SNAP91: variants seen among roughly 807,000 people sequenced by gnomAD.
The protein encoded by SNAP91 is clathrin coat assembly protein AP180.
Under a neutral mutation model 100.3 loss-of-function variants are expected in SNAP91, and 27 were observed. The ratio of observed to expected loss-of-function variants is 0.27; its 90% CI spans 0.20 to 0.37. SNAP91 has a LOEUF of 0.37. Ranked by LOEUF, SNAP91 falls within the 10% of genes least tolerant of loss-of-function variation. The pLI is 1.00. For missense variants in SNAP91, 986 were observed against 1,123.7 expected, an observed-to-expected ratio of 0.88 and a Z score of 1.75; for synonymous variants, 404 against 398.6, an observed-to-expected ratio of 1.01 and a Z score of -0.16.
chr6:83,661,495 A>C lies in SNAP91; in HGVS notation c.452+7T>G, dbSNP rs2098542906. 2 of 1,561,582 alleles carry C rather than the reference A, an allele frequency of 1.3e-6. No homozygotes were observed. The highest frequency in any genetic ancestry group is 1.8e-6 in the Non-Finnish European group (2 of 1,141,728). On this transcript the variant is annotated splice_region_variant and intron_variant, in intron 5 of 29. Transcript: ENST00000369694. Reference sequence around the variant, plus strand: ...CTCTAATAAATATAAGAAAGACAAAAACATACCCTTTCTTCACCCTGGCAA... The same window carrying C: ...CTCTAATAAATATAAGAAAGACAAACACATACCCTTTCTTCACCCTGGCAA...
intron 3 of SNAP91, among the ~76,000 whole-genome samples, chr6:83,664,458 C>T (rs549739810): frequency 2.0e-5 from 3 of 152,202 alleles, no homozygotes; most frequent in Admixed American, 6.6e-5. Flanking sequence ...AGCATTTCAG[C>T]CCCTATGGAT....
At chr6:83,699,383 A>T (rs2099263091) in intron 2 of SNAP91, among the ~76,000 whole-genome samples, 1 of 152,144 alleles carries the variant, frequency 6.6e-6, no homozygotes, top group Admixed American at 6.5e-5. Flanking sequence ...CAAAAACAAA[A>T]AATATAAATA....
intron 9 of SNAP91, among the ~76,000 whole-genome samples, chr6:83,619,466 T>A (rs1397781659): frequency 6.6e-6 from 1 of 152,188 alleles, no homozygotes; most frequent in East Asian, 1.9e-4. Context: ...CCTCTGCTGT[T>A]GTAAAAGGAA....
At chr6:83,605,190 A>G (rs1459700543) in intron 14 of SNAP91, among the ~76,000 whole-genome samples, 1 of 152,194 alleles carries the variant, frequency 6.6e-6, no homozygotes. Context: ...TGGTACAAAT[A>G]AGAATCTGTA....
chr6:83,653,201 T>A (rs558015416), intron 7 of SNAP91, among the ~76,000 whole-genome samples: 1 of 152,304 alleles, frequency 6.6e-6, no homozygotes, highest in South Asian at 2.1e-4. Context: ...TTCCTTCTGG[T>A]ATTCCATTAT....
At chr6:83,702,350 C>T (rs557860137) in intron 2 of SNAP91, among the ~76,000 whole-genome samples, 1 of 152,032 alleles carries the variant, frequency 6.6e-6, no homozygotes, top group East Asian at 1.9e-4. Flanking sequence ...AAAGAACACC[C>T]TATCCCAGCA....
At chr6:83,651,556 A>T (rs1372161308) in intron 7 of SNAP91, among the ~76,000 whole-genome samples, 1 of 152,096 alleles carries the variant, frequency 6.6e-6, no homozygotes, top group African/African-American at 2.4e-5. Context: ...TTTTCCAGTT[A>T]CTTTTGTTAT....
chr6:83,581,551 C>G (rs1189928214), intron 23 of SNAP91, among the ~76,000 whole-genome samples: 1 of 152,076 alleles, frequency 6.6e-6, no homozygotes, highest in Non-Finnish European at 1.5e-5. Flanking sequence ...GCATATCTAC[C>G]ATAACAACTA....
intron 2 of SNAP91, among the ~76,000 whole-genome samples, chr6:83,685,666 C>G (rs934817661): frequency 6.6e-6 from 1 of 152,152 alleles, no homozygotes; most frequent in South Asian, 2.1e-4. Context: ...CACCTCCTAC[C>G]AACCTTGCAG....
rs747637070 is a variant in SNAP91, at chr6:83,560,852, G to A, written c.2526+12C>T. The A allele has an allele frequency of 4.0e-5, 65 of 1,610,672 alleles. 1 individual carries two copies. Among genetic ancestry groups the A allele is most frequent in the East Asian group, 3.1e-4 (14 of 44,874 alleles). ...ATGTTGATTACAATTTTTAGCACAC[G>A]TCATCACTCACCATTCCAAATCCTG... On this transcript the variant is annotated intron_variant, in intron 27 of 29. Coordinates refer to ENST00000369694, the MANE Select transcript of SNAP91 (RefSeq NM_001242792.2).
intron 2 of SNAP91, chr6:83,678,640 C>A: frequency 2.5e-6 from 2 of 802,716 alleles, no homozygotes; most frequent in East Asian, 6.4e-5. Flanking sequence ...CTCTCAAATT[C>A]TTTTCTATTT....
intron 2 of SNAP91, among the ~76,000 whole-genome samples, chr6:83,701,996 C>G (rs541533125): frequency 4.3e-4 from 66 of 152,260 alleles, no homozygotes; most frequent in Non-Finnish European, 7.9e-4. Flanking sequence ...ACCATTCAAC[C>G]AATCTTCCCT....
chr6:83,660,700 C>A (rs117213162), intron 5 of SNAP91, among the ~76,000 whole-genome samples: 1 of 151,620 alleles, frequency 6.6e-6, no homozygotes, highest in East Asian at 1.9e-4. Context: ...TAGAATGATA[C>A]GTCTCTCAAA....
At chr6:83,615,984 G>T (rs1219298462) in intron 10 of SNAP91, among the ~76,000 whole-genome samples, 1 of 152,150 alleles carries the variant, frequency 6.6e-6, no homozygotes, top group Non-Finnish European at 1.5e-5. Flanking sequence ...CAGAAAGCTG[G>T]TATCATCAAC....
At chr6:83,599,568 C>T (rs1266416907) in intron 16 of SNAP91, among the ~76,000 whole-genome samples, 1 of 151,962 alleles carries the variant, frequency 6.6e-6, no homozygotes, top group Non-Finnish European at 1.5e-5. Context: ...ACCAAGTTTC[C>T]AATTGTATAG....
chr6:83,593,232 G>A lies in SNAP91; in HGVS notation c.1724C>T (p.Ala575Val). ...AGCAGCATCTGGCTTAGGCGCTGCA[G>A]CAACTTCAGGAGTGGACTCAAATAA... ...GDLFESTPEV[A>V]AAPKPDAAPS... is the part of the protein sequence containing the mutation. Residue 575 changes from alanine to valine, a missense_variant, in exon 19 of 30, where the codon GCT (alanine) becomes GTT (valine). Ala to Val is a moderately conservative substitution (Grantham distance 64). This residue lies in a region of SNAP91 where 575 missense variants were observed against 579.9 expected (regional missense o/e 0.99). Transcript: ENST00000369694. 6.3e-7 allele frequency: 1 copy of A among 1,595,532 alleles called. No homozygotes were observed. Among genetic ancestry groups the A allele is most frequent in the Non-Finnish European group, 8.5e-7 (1 of 1,170,520 alleles).
chr6:83,689,785 C>T (rs2099107966), intron 2 of SNAP91: 1 of 151,976 alleles, frequency 6.6e-6, no homozygotes, highest in Non-Finnish European at 1.5e-5. Context: ...TCTATTAATC[C>T]ATGCCAAAAA....
chr6:83,684,550 T>C (rs2099035181), intron 2 of SNAP91, among the ~76,000 whole-genome samples: 1 of 152,210 alleles, frequency 6.6e-6, no homozygotes, highest in Non-Finnish European at 1.5e-5. Context: ...AAGTCCTTTT[T>C]GTCACACTCT....
At chr6:83,614,977 C>A in intron 10 of SNAP91, 115 bp from the exon 11 acceptor site, 14 of 753,408 alleles carry the variant, frequency 1.9e-5, no homozygotes, top group South Asian at 3.9e-5. Context: ...TGGTTTTAGC[C>A]AATTCAGAAG....
Sources: gnomAD v4.1 joint callset for allele counts (sites outside exome capture counted in the v4.1 genomes callset) on GRCh38, gnomAD v4.1.1 for gene constraint, gnomAD v4.1.1 regional missense constraint, MANE v1.5 for transcripts, NCBI Gene and HGNC (gene_info 2026-07-23, HGNC 2026-07-21) for gene names.